Variants in PDS5B observed in about 807,000 individuals in gnomAD.
The protein encoded by PDS5B is PDS5 cohesin associated factor B, also known as sister chromatid cohesion protein PDS5 homolog B.
In PDS5B, 51 loss-of-function variants were observed where a neutral mutation model predicts 184.1. That is an observed-to-expected ratio of 0.28 (90% confidence interval 0.22 to 0.35). The LOEUF is 0.35. Ranked by LOEUF, PDS5B falls within the 10% of genes least tolerant of loss-of-function variation. The pLI is 1.00. For synonymous variants in PDS5B, 566 were observed against 569.2 expected (o/e 0.99, Z 0.08); for missense variants, 1,180 against 1,723.3 (o/e 0.68, Z 5.58).
intron 1 of PDS5B, among the ~76,000 whole-genome samples, chr13:32,610,477 A>G (rs2058124081): frequency 6.6e-6 from 1 of 152,168 alleles, no homozygotes; most frequent in South Asian, 2.1e-4. Flanking sequence ...TTACTCTGAT[A>G]TTTTGCATTC....
chr13:32,667,346 C>T (rs1365103863), intron 6 of PDS5B, among the ~76,000 whole-genome samples: 1 of 152,112 alleles, frequency 6.6e-6, no homozygotes, highest in Non-Finnish European at 1.5e-5. Context: ...TCCTTTGTCC[C>T]TCCCCGCCTA....
At chr13:32,747,651 T>A (rs1953804059) in intron 24 of PDS5B, among the ~76,000 whole-genome samples, 1 of 151,958 alleles carries the variant, frequency 6.6e-6, no homozygotes, top group Non-Finnish European at 1.5e-5. Context: ...CCCCACTTAA[T>A]TTTTGGAGAT....
intron 1 of PDS5B, among the ~76,000 whole-genome samples, chr13:32,593,684 A>G (rs1354979577): frequency 2.0e-5 from 3 of 152,216 alleles, no homozygotes; most frequent in Admixed American, 1.3e-4. Context: ...AGACAATGTT[A>G]TTAAGAAAAT....
At chr13:32,756,005 C>T in intron 26 of PDS5B, 49 bp downstream of exon 26, 2 of 857,638 alleles carry the variant, frequency 2.3e-6, no homozygotes, top group Non-Finnish European at 3.9e-6. Flanking sequence ...GTTATTTTTT[C>T]TCCTTAATGC....
chr13:32,770,156 G>T lies in PDS5B; in HGVS notation c.3660G>T (p.Thr1220=). 2 of 1,613,088 alleles carry T rather than the reference G, an allele frequency of 1.2e-6. No individual in the cohort carries two copies. The highest frequency in any genetic ancestry group is 8.5e-7 in the Non-Finnish European group (1 of 1,179,700). ...AGAAGCCTAGAGGCAGGAAAAAAAC[G>T]CCCGTCACAGAACAGGAGGAGAAAT... ...ELEKPRGRKK[T]PVTEQEEKLG... Residue 1220 remains threonine (T), a synonymous_variant, in exon 32 of 35, where the codon ACG becomes ACT. Transcript: ENST00000315596.
chr13:32,666,608 A>T (rs906126585), intron 6 of PDS5B, among the ~76,000 whole-genome samples: 4 of 152,196 alleles, frequency 2.6e-5, no homozygotes, highest in Admixed American at 6.5e-5. Flanking sequence ...CATAAAAAAA[A>T]AAATGAAAAA....
At chr13:32,638,849 A>G (rs962630473) in intron 1 of PDS5B, among the ~76,000 whole-genome samples, 1 of 151,688 alleles carries the variant, frequency 6.6e-6, no homozygotes, top group Non-Finnish European at 1.5e-5. Flanking sequence ...GAGGGAAGGG[A>G]GGGAATGGGT....
At chr13:32,596,599 A>G (rs2057875251) in intron 1 of PDS5B, among the ~76,000 whole-genome samples, 1 of 152,100 alleles carries the variant, frequency 6.6e-6, no homozygotes, top group African/African-American at 2.4e-5. Flanking sequence ...TTTCCTTTTT[A>G]TATTCCCACC....
chr13:32,690,779 T>C (rs1179832474), intron 13 of PDS5B: 2 of 152,058 alleles, frequency 1.3e-5, no homozygotes, highest in Non-Finnish European at 2.9e-5. Context: ...TAAATTCCAA[T>C]CTGGACCAGT....
chr13:32,764,729 TGA>T (rs1954529557), intron 31 of PDS5B, 135 bp downstream of exon 31: 2 of 484,458 alleles, frequency 4.1e-6, no homozygotes. Context: ...ACCACAAACC[TGA>T]GTTTATAATT....
chr13:32,662,364 G>GT (rs1950672825), intron 6 of PDS5B, among the ~76,000 whole-genome samples: 1 of 151,944 alleles, frequency 6.6e-6, no homozygotes, highest in Non-Finnish European at 1.5e-5. Context: ...TTTAACATGT[G>GT]TTTTAGTGAC....
At chr13:32,665,856 G>A (rs1470606110) in intron 6 of PDS5B, among the ~76,000 whole-genome samples, 1 of 152,096 alleles carries the variant, frequency 6.6e-6, no homozygotes, top group Non-Finnish European at 1.5e-5. Flanking sequence ...GTCATTTGCG[G>A]CAGCATGGAT....
At chr13:32,747,586 C>CAAA (rs5802658) in intron 24 of PDS5B, among the ~76,000 whole-genome samples, 8 of 106,576 alleles carry the variant, frequency 7.5e-5, no homozygotes, top group South Asian at 3.5e-4. Flanking sequence ...GACTCCATCT[C>CAAA]AAAAAAAAAA....
rs1038704893 is a variant in PDS5B at position 32,777,078 on chromosome 13, AT to A, written c.*2031del. The A allele has an allele frequency of 2.0e-5, 3 of 152,072 alleles. No homozygotes were observed. Among genetic ancestry groups the A allele is most frequent in the Non-Finnish European group, 4.4e-5 (3 of 67,882 alleles). The allele number at this position is 152,072 out of a possible 1,614,324, so 9.4% of individuals were successfully genotyped here. ...CATAAAGAATAAGGAATAGCTTTGT[AT>A]TTTTGTCATTGATTAAATTGCACCA... On this transcript the variant is annotated 3_prime_UTR_variant, in exon 35 of 35. Coordinates refer to ENST00000315596, the MANE Select transcript of PDS5B (RefSeq NM_015032.4).
rs534632742 is a variant in PDS5B, at chr13:32,696,323, G to A, written c.1552-531G>A. ...ACGTCTTTTATACATGACTTTACATGCAGTAGTACATGAATGTATTACATA... is the reference window on the plus strand; with the variant it reads ...ACGTCTTTTATACATGACTTTACATACAGTAGTACATGAATGTATTACATA... On this transcript the variant is annotated intron_variant, in intron 14 of 34. Transcript: ENST00000315596. Among the ~76,000 whole-genome samples the A allele has an allele frequency of 4.6e-4, 70 of 152,122 alleles. No homozygotes were observed. The South Asian group carries it at 0.014, about 30-fold the overall frequency.
intron 19 of PDS5B, among the ~76,000 whole-genome samples, chr13:32,716,560 G>A (rs1470350826): frequency 6.6e-6 from 1 of 151,778 alleles, no homozygotes; most frequent in African/African-American, 2.4e-5. Context: ...ACCCCATCTG[G>A]GAGGGAGGTG....
chr13:32,687,451 A>G (rs1951429628), intron 12 of PDS5B, among the ~76,000 whole-genome samples, 166 bp downstream of exon 12: 1 of 152,186 alleles, frequency 6.6e-6, no homozygotes, highest in African/African-American at 2.4e-5. Flanking sequence ...GCCATAAATG[A>G]AGCAGTAATG....
At chr13:32,604,287 G>T (rs933687936) in intron 1 of PDS5B, among the ~76,000 whole-genome samples, 6 of 152,148 alleles carry the variant, frequency 3.9e-5, no homozygotes, top group South Asian at 2.1e-4. Context: ...TAGCATGAAG[G>T]GCTGTTGAAT....
chr13:32,770,017 C>T (rs1399348603), intron 31 of PDS5B, 104 bp from the exon 32 acceptor site: 2 of 893,070 alleles, frequency 2.2e-6, no homozygotes, highest in Non-Finnish European at 3.4e-6. Context: ...ATTTTAGGTA[C>T]ATATCTAGGA....
Sources: gnomAD v4.1 joint callset for allele counts (sites outside exome capture counted in the v4.1 genomes callset) on GRCh38, gnomAD v4.1.1 for gene constraint, MANE v1.5 for transcripts, NCBI Gene and HGNC (gene_info 2026-07-23, HGNC 2026-07-21) for gene names.